The following LINGO2 variants were observed in gnomAD, a reference collection of about 807,000 sequenced individuals.
LINGO2 encodes the protein leucine-rich repeat and immunoglobulin-like domain-containing nogo receptor-interacting protein 2.
Under a neutral mutation model 30.6 loss-of-function variants are expected in LINGO2, and 14 were observed. The observed-to-expected ratio is 0.46, with a 90% CI of 0.30 to 0.72. LINGO2 has a LOEUF of 0.72. Ranked by LOEUF, LINGO2 falls within the 30% of genes least tolerant of loss-of-function variation. The probability of loss-of-function intolerance (pLI) is 0.07; values close to 1 mark genes in which losing one functional copy is unlikely to be tolerated. For missense variants in LINGO2, 729 were observed against 751.7 expected (o/e 0.97, Z 0.35); for synonymous variants, 317 against 288.5 (o/e 1.10, Z -1.00).
At chr9:29,106,151 G>A in the LINGO2 span, among the ~76,000 whole-genome samples, 1 of 152,056 alleles carries the variant, frequency 6.6e-6, no homozygotes, top group Non-Finnish European at 1.5e-5. Context: ...TTTATACTTT[G>A]TATAATCTCA....
intron 1 of LINGO2, among the ~76,000 whole-genome samples, chr9:28,606,920 A>G (rs1825716754): frequency 6.6e-6 from 1 of 152,122 alleles, no homozygotes; most frequent in Admixed American, 6.6e-5. Context: ...ACAAAATATT[A>G]ATTGGCATAT....
At chr9:28,184,349 A>G (rs1360551035) in intron 4 of LINGO2, among the ~76,000 whole-genome samples, 1 of 152,190 alleles carries the variant, frequency 6.6e-6, no homozygotes, top group Admixed American at 6.5e-5. Context: ...AATGCAGACA[A>G]CAAGTGATAC....
the LINGO2 span, among the ~76,000 whole-genome samples, chr9:29,153,808 T>G: frequency 6.6e-6 from 1 of 152,196 alleles, no homozygotes; most frequent in African/African-American, 2.4e-5. Flanking sequence ...AAAAATAAAA[T>G]AATCCAAGAT....
chr9:29,154,499 G>T, the LINGO2 span, among the ~76,000 whole-genome samples: 1 of 150,796 alleles, frequency 6.6e-6, no homozygotes, highest in Admixed American at 6.6e-5. Context: ...GGCTGAATAG[G>T]AATCTGTAAG....
chr9:28,426,677 A>G (rs1823426942), intron 2 of LINGO2, among the ~76,000 whole-genome samples: 1 of 152,086 alleles, frequency 6.6e-6, no homozygotes, highest in Non-Finnish European at 1.5e-5. Context: ...TGAGGTGCAC[A>G]TGGCTTAAAT....
chr9:28,658,858 A>G (rs893873549), intron 1 of LINGO2, among the ~76,000 whole-genome samples: 39 of 152,178 alleles, frequency 2.6e-4, no homozygotes, highest in Admixed American at 5.2e-4. Context: ...TACTATGGTT[A>G]TGAAAAACAC....
chr9:28,572,783 G>C (rs969440895), intron 1 of LINGO2, among the ~76,000 whole-genome samples: 6 of 152,074 alleles, frequency 3.9e-5, no homozygotes, highest in African/African-American at 1.4e-4. Flanking sequence ...TGAATACTTA[G>C]TGCAATAATT....
the LINGO2 span, among the ~76,000 whole-genome samples, chr9:28,984,402 TCTA>T: frequency 1.1e-4 from 16 of 152,100 alleles, no homozygotes; most frequent in Admixed American, 1.0e-3. Context: ...CTTAAAAAAA[TCTA>T]CTGTTTTAAT....
chr9:28,327,565 C>T (rs6476056), intron 3 of LINGO2, among the ~76,000 whole-genome samples: 81,648 of 152,040 alleles, frequency 0.54, 22,236 homozygotes, highest in African/African-American at 0.6. Context: ...GTTTAATTAC[C>T]ATAGGCCATA....
intron 2 of LINGO2, among the ~76,000 whole-genome samples, chr9:28,424,184 T>C (rs1823313482): frequency 1.3e-5 from 2 of 152,138 alleles, no homozygotes; most frequent in Admixed American, 6.6e-5. Context: ...TTATTCACCT[T>C]CATGAAGAGG....
At chr9:29,127,455 T>C in the LINGO2 span, among the ~76,000 whole-genome samples, 1 of 152,086 alleles carries the variant, frequency 6.6e-6, no homozygotes, top group Non-Finnish European at 1.5e-5. Context: ...TTTCTCTCTC[T>C]GTCTTTTTCT....
chr9:28,864,881 TA>T, the LINGO2 span, among the ~76,000 whole-genome samples: 1 of 152,150 alleles, frequency 6.6e-6, no homozygotes, highest in Admixed American at 6.6e-5. Flanking sequence ...GCTGGGGATA[TA>T]AAAACTCCAG....
At chr9:28,795,859 G>A in the LINGO2 span, among the ~76,000 whole-genome samples, 1 of 151,978 alleles carries the variant, frequency 6.6e-6, no homozygotes. Flanking sequence ...TGCTTATTCA[G>A]TGGTCTCAGG....
chr9:28,811,737 A>C, the LINGO2 span, among the ~76,000 whole-genome samples: 1 of 152,158 alleles, frequency 6.6e-6, no homozygotes, highest in South Asian at 2.1e-4. Context: ...TTTTGCAGTT[A>C]ACCATATACT....
At chr9:28,684,130 A>G in the LINGO2 span, among the ~76,000 whole-genome samples, 1 of 151,284 alleles carries the variant, frequency 6.6e-6, no homozygotes, top group Non-Finnish European at 1.5e-5. Context: ...ATGCATCAAT[A>G]AATTAAAAAT....
the LINGO2 span, among the ~76,000 whole-genome samples, chr9:28,905,278 C>CAA: frequency 2.8e-3 from 362 of 131,006 alleles, 2 homozygotes; most frequent in African/African-American, 9.8e-3. Context: ...ACAACAAAAG[C>CAA]AAAAAAAAAA....
rs182555052 is a variant in LINGO2, at chr9:28,004,034, C to A, written c.-36+8321G>T. ...AATACATAATTTAACCCAAAGGTGA[C>A]ATGCTTTCTTTTTAAGAACAATGAA... On this transcript the variant is annotated intron_variant, in intron 5 of 5. Transcript: ENST00000379992. 2.2e-3 allele frequency among the ~76,000 whole-genome samples: 333 copies of A among 152,238 alleles called. 1 individual carries two copies. The highest frequency in any genetic ancestry group is 7.9e-3 in the African/African-American group (327 of 41,530).
At chr9:28,606,732 T>C (rs2135767392) in intron 1 of LINGO2, among the ~76,000 whole-genome samples, 1 of 152,186 alleles carries the variant, frequency 6.6e-6, no homozygotes, top group African/African-American at 2.4e-5. Context: ...CTAGCTATTG[T>C]CAACATTTCC....
intron 3 of LINGO2, among the ~76,000 whole-genome samples, chr9:28,365,564 G>T (rs1353930094): frequency 2.7e-5 from 4 of 146,396 alleles, no homozygotes; most frequent in African/African-American, 1.1e-4. Flanking sequence ...TGATTGCTGA[G>T]GTAGCAAGTG....
Sources: gnomAD v4.1 joint callset for allele counts (sites outside exome capture counted in the v4.1 genomes callset) on GRCh38, gnomAD v4.1.1 for gene constraint, MANE v1.5 for transcripts, NCBI Gene and HGNC (gene_info 2026-07-23, HGNC 2026-07-21) for gene names.